The following SERPINB8 variants were observed in gnomAD, a reference collection of about 807,000 sequenced individuals.
The protein encoded by SERPINB8 is serpin B8.
In SERPINB8, 25 loss-of-function variants were observed where a neutral mutation model predicts 35.3. The ratio of observed to expected loss-of-function variants is 0.71; its 90% CI spans 0.52 to 0.99. The LOEUF (loss-of-function observed/expected upper bound fraction) is 0.99. Ranked by LOEUF, SERPINB8 falls within the 50% of genes least tolerant of loss-of-function variation. The pLI, the probability that SERPINB8 is intolerant of heterozygous loss-of-function variation, is 0.00. For missense variants in SERPINB8, 484 were observed against 446.5 expected (o/e 1.08, Z -0.76); for synonymous variants, 186 against 160.8 (o/e 1.16, Z -1.19).
At chr18:63,970,276 G>T (rs953655422) in intron 1 of SERPINB8, 106 bp downstream of exon 1, 12 of 177,108 alleles carry the variant, frequency 6.8e-5, no homozygotes, top group Non-Finnish European at 1.1e-4. Flanking sequence ...AGGGAGGAAG[G>T]CCAGAGCAGG....
downstream of SERPINB8, among the ~76,000 whole-genome samples, chr18:64,007,709 G>A (rs999253944): frequency 1.3e-5 from 2 of 152,088 alleles, no homozygotes; most frequent in African/African-American, 4.8e-5. Flanking sequence ...GAAAGGGAGA[G>A]GTGCTATGCC....
chr18:63,996,716 A>G (rs1401158285), intron 1 of SERPINB8, among the ~76,000 whole-genome samples: 3 of 152,196 alleles, frequency 2.0e-5, no homozygotes, highest in Non-Finnish European at 4.4e-5. Context: ...CAGCAACCCA[A>G]CTACACCATT....
At chr18:63,995,217 C>T (rs930725877) in intron 1 of SERPINB8, among the ~76,000 whole-genome samples, 5 of 152,146 alleles carry the variant, frequency 3.3e-5, no homozygotes, top group African/African-American at 7.2e-5. Flanking sequence ...AAGAGCCTCA[C>T]GATCCTCTCC....
chr18:63,986,048 C>T (rs1364952808), intron 6 of SERPINB8, among the ~76,000 whole-genome samples: 1 of 152,174 alleles, frequency 6.6e-6, no homozygotes, highest in East Asian at 1.9e-4. Flanking sequence ...CCTGGCTTCC[C>T]TTTGGAATCA....
chr18:63,987,488 T>C lies in SERPINB8; in HGVS notation c.*210T>C. ...AAATTTGGGCCTGGGAAGGCTATGC[T>C]GGTTTTGGAGTGTTTGGGGTGCCTG... On this transcript the variant is annotated 3_prime_UTR_variant, in exon 7 of 7. Transcript: ENST00000397985. 1 of 578,972 alleles carries C rather than the reference T, an allele frequency of 1.7e-6. No individual in the cohort carries two copies. The highest frequency in any genetic ancestry group is 3.0e-6 in the Non-Finnish European group (1 of 334,440). The allele number at this position is 578,972 out of a possible 1,614,324, so 35.9% of individuals were successfully genotyped here.
intron 7 of SERPINB8, among the ~76,000 whole-genome samples, chr18:64,013,174 C>T (rs759111169): frequency 1.3e-5 from 2 of 152,004 alleles, no homozygotes; most frequent in Non-Finnish European, 2.9e-5. Flanking sequence ...GTGGTTCTGT[C>T]TCTTTCTTCC....
In SERPINB8 at chr18:63,983,581, A is replaced by G; in HGVS notation, c.427A>G (p.Lys143Glu). ...NDWVAEKTEGKISEVLDAGTV... is the reference protein window; with the variant it reads ...NDWVAEKTEGEISEVLDAGTV... Reference sequence around the variant, plus strand: ...ATAAACTCTCATATTCTTTATAGGTAAGATTTCAGAGGTACTGGATGCTGG... The same window carrying G: ...ATAAACTCTCATATTCTTTATAGGTGAGATTTCAGAGGTACTGGATGCTGG... Residue 143 changes from lysine (K) to glutamate (E), a missense_variant and splice_region_variant, in exon 5 of 7, where the codon AAG becomes GAG. Coordinates refer to ENST00000397985, the MANE Select transcript of SERPINB8 (RefSeq NM_002640.4). The G allele has an allele frequency of 1.2e-6, 2 of 1,613,338 alleles. No individual in the cohort carries two copies. Among genetic ancestry groups the G allele is most frequent in the Non-Finnish European group, 1.7e-6 (2 of 1,179,498 alleles).
In SERPINB8 at chr18:63,997,978, T is replaced by C. The variant is rs962802657; in HGVS notation, c.71-6841T>C. On this transcript the variant is annotated intron_variant, in intron 1 of 1. Transcript: ENST00000493661. ...TATTCAACTCATTGCCTCTGATCCA[T>C]GAGAGGAAGGGCCCTGGGAATCAAG... Among the ~76,000 whole-genome samples the C allele has an allele frequency of 4.6e-5, 7 of 152,140 alleles. No homozygotes were observed. The East Asian group carries it at 1.2e-3, about 25-fold the overall frequency.
rs903238977 is a variant in SERPINB8, at chr18:64,015,866, C to T, written c.*3-3044C>T. ...CTTGTGTCAGAGAAAGGGGTTTAGG[C>T]GAGCCTACTTAAGTGTTAAGCAATG... On this transcript the variant is annotated intron_variant, in intron 7 of 7. Coordinates refer to the SERPINB8 transcript ENST00000636430. Among the ~76,000 whole-genome samples the T allele has an allele frequency of 5.3e-5, 8 of 152,262 alleles. No homozygotes were observed. The East Asian group carries it at 7.7e-4, about 15-fold the overall frequency.
downstream of SERPINB8, among the ~76,000 whole-genome samples, chr18:63,991,077 C>T (rs142478791): frequency 6.6e-6 from 1 of 152,308 alleles, no homozygotes; most frequent in Admixed American, 6.5e-5. Context: ...CATTGATCTG[C>T]TTGTCTATCT....
At chr18:63,990,836 G>T (rs1247732435), downstream of SERPINB8, among the ~76,000 whole-genome samples, 1 of 152,168 alleles carries the variant, frequency 6.6e-6, no homozygotes, top group Non-Finnish European at 1.5e-5. Flanking sequence ...TAATGCTTTT[G>T]TTGTCATATT....
intron 7 of SERPINB8, among the ~76,000 whole-genome samples, chr18:64,013,038 C>CT (rs2050932786): frequency 6.6e-6 from 1 of 152,164 alleles, no homozygotes; most frequent in Non-Finnish European, 1.5e-5. Context: ...TTCAAATCTC[C>CT]TTTTCTCTCA....
rs566318072 is a variant in SERPINB8 at position 63,970,357 on chromosome 18, C to T, written c.-11+187C>T. 1,065 of 175,394 alleles carry T rather than the reference C, an allele frequency of 6.1e-3. 13 individuals carry two copies. Among genetic ancestry groups the T allele is most frequent in the African/African-American group, 0.024 (1,009 of 41,694 alleles). 10.9% of individuals were successfully genotyped at this position (175,394 alleles called of 1,614,324 possible). A position where few individuals can be genotyped will look rare whatever the true frequency, so the allele number is the denominator to read the frequency against. Reference sequence around the variant, plus strand: ...GGGAGGCGGCCGGGAAAGAGAGTCGCGGGGCTGTGGGGGTCGCCCTGGCAC... The same window carrying T: ...GGGAGGCGGCCGGGAAAGAGAGTCGTGGGGCTGTGGGGGTCGCCCTGGCAC... On this transcript the variant is annotated intron_variant, in intron 1 of 6. Transcript: ENST00000397985.
chr18:63,977,167 A>T (rs1396319979), intron 1 of SERPINB8, among the ~76,000 whole-genome samples: 2 of 152,184 alleles, frequency 1.3e-5, no homozygotes, highest in African/African-American at 4.8e-5. Flanking sequence ...CTGGAATCAA[A>T]CTGTGGGTGC....
chr18:64,018,898 A>T (rs1467871323), intron 7 of SERPINB8: 1 of 151,290 alleles, frequency 6.6e-6, no homozygotes, highest in African/African-American at 2.4e-5. Context: ...AATGTCTCTC[A>T]TTTTTTTTTA....
chr18:63,998,288 G>GTCCC (rs915327725), intron 1 of SERPINB8, among the ~76,000 whole-genome samples: 31 of 152,138 alleles, frequency 2.0e-4, no homozygotes, highest in African/African-American at 7.0e-4. Flanking sequence ...ACACTCTTCA[G>GTCCC]TCCCTCCAAA....
At chr18:63,986,844 A>G (rs1338815049) in intron 6 of SERPINB8, 30 bp from the exon 7 acceptor site, 1 of 1,565,854 alleles carries the variant, frequency 6.4e-7, no homozygotes. Context: ...TGTCATCTAA[A>G]TTTTAAGGTT....
Position 63,988,483 on chromosome 18 carries a change from A to T in SERPINB8, c.*1205A>T, listed in dbSNP as rs1331795693. 6.6e-6 allele frequency: 1 copy of T among 152,202 alleles called. No homozygotes were observed. The highest frequency in any genetic ancestry group is 1.5e-5 in the Non-Finnish European group (1 of 68,026). 9.4% of individuals were successfully genotyped at this position (152,202 alleles called of 1,614,324 possible). A position where few individuals can be genotyped will look rare whatever the true frequency, so the allele number is the denominator to read the frequency against. The stretch of plus-strand genomic sequence containing the variant: ...TGCTCACATCCTTAATATATTTTTT[A>T]AAATTCCTAACAATAGTACTGTTGA... On this transcript the variant is annotated 3_prime_UTR_variant, in exon 7 of 7. Transcript: ENST00000397985.
chr18:63,979,305 C>T (rs1279742864), intron 2 of SERPINB8, among the ~76,000 whole-genome samples: 3 of 152,152 alleles, frequency 2.0e-5, no homozygotes, highest in Non-Finnish European at 4.4e-5. Context: ...GCAGATGAAA[C>T]ATTTTTAGTT....
Sources: gnomAD v4.1 joint callset for allele counts (sites outside exome capture counted in the v4.1 genomes callset) on GRCh38, gnomAD v4.1.1 for gene constraint, MANE v1.5 for transcripts, NCBI Gene and HGNC (gene_info 2026-07-23, HGNC 2026-07-21) for gene names.